GK5: variants seen among roughly 807,000 people sequenced by gnomAD.
GK5 encodes glycerol kinase 5, also known as ATP:glycerol 3-phosphotransferase 5.
A neutral mutation model predicts 77.3 loss-of-function variants in GK5; 39 were observed. The ratio of observed to expected loss-of-function variants is 0.50; its 90% confidence interval spans 0.39 to 0.66. The LOEUF is 0.66. GK5 is among the 30% of genes least tolerant of loss of function. The probability of loss-of-function intolerance (pLI) is 0.00; values close to 1 mark genes in which losing one functional copy is unlikely to be tolerated. For synonymous variants in GK5, 211 were observed against 208.0 expected (o/e 1.01, Z -0.13); for missense variants, 487 against 633.8 (o/e 0.77, Z 2.49).
chr3:142,209,372 A>T (rs745755446), intron 3 of GK5, among the ~76,000 whole-genome samples: 2 of 152,228 alleles, frequency 1.3e-5, no homozygotes, highest in Admixed American at 6.5e-5. Flanking sequence ...GTGGCTGAAA[A>T]GCAGTGAGGG....
At chr3:142,216,176 T>C (rs1348420941) in intron 1 of GK5, among the ~76,000 whole-genome samples, 2 of 152,078 alleles carry the variant, frequency 1.3e-5, no homozygotes, top group South Asian at 2.1e-4. Flanking sequence ...TCAGGTACCA[T>C]GGAACTGGTG....
intron 5 of GK5, among the ~76,000 whole-genome samples, chr3:142,193,840 A>C (rs2063890456): frequency 6.6e-6 from 1 of 152,102 alleles, no homozygotes; most frequent in Non-Finnish European, 1.5e-5. Context: ...TCCCCAGTTC[A>C]AGTGATTCTC....
chr3:142,218,718 A>G (rs907467248), intron 1 of GK5, among the ~76,000 whole-genome samples: 1 of 152,154 alleles, frequency 6.6e-6, no homozygotes, highest in Non-Finnish European at 1.5e-5. Flanking sequence ...CCAAAAGTAT[A>G]ATTCATATAA....
chr3:142,215,551 CAA>C (rs61501618), intron 2 of GK5, 46 bp downstream of exon 2: 3 of 868,982 alleles, frequency 3.5e-6, no homozygotes, highest in South Asian at 1.9e-5. Flanking sequence ...AAAACTATTA[CAA>C]AAAAAAAACC....
chr3:142,212,038 C>G lies in GK5; in HGVS notation c.317+1488G>C, dbSNP rs78506411. Reference sequence around the variant, plus strand: ...CAGTATTGGTAAATTCAAATTTCTTCTTCCTGCCCAATACTGAATTAGAAG... The same window carrying G: ...CAGTATTGGTAAATTCAAATTTCTTGTTCCTGCCCAATACTGAATTAGAAG... On this transcript the variant is annotated intron_variant, in intron 3 of 15. Coordinates refer to ENST00000392993, the MANE Select transcript of GK5 (RefSeq NM_001039547.3). Among the ~76,000 whole-genome samples, 3 of 152,318 alleles carry G rather than the reference C, an allele frequency of 2.0e-5. No homozygotes were observed. In the East Asian group the frequency reaches 5.8e-4, roughly 29 times the overall value.
At chr3:142,216,963 C>T (rs1346537433) in intron 1 of GK5, among the ~76,000 whole-genome samples, 1 of 152,100 alleles carries the variant, frequency 6.6e-6, no homozygotes. Flanking sequence ...AAAAGAAAAA[C>T]AACAAAAATC....
At chr3:142,201,959 G>C (rs2064031744) in intron 4 of GK5, among the ~76,000 whole-genome samples, 1 of 152,128 alleles carries the variant, frequency 6.6e-6, no homozygotes, top group Non-Finnish European at 1.5e-5. Flanking sequence ...TTTAAGTAGG[G>C]TGGCAGGGAA....
intron 4 of GK5, among the ~76,000 whole-genome samples, chr3:142,201,528 A>G (rs972711296): frequency 1.8e-4 from 27 of 152,208 alleles, no homozygotes; most frequent in African/African-American, 5.5e-4. Flanking sequence ...ATAGTTACAG[A>G]AGAACAACAC....
rs140693011 is a variant in GK5, at chr3:142,176,337, A to C, written c.1143+1145T>G. Among the ~76,000 whole-genome samples, 974 of 152,294 alleles carry C rather than the reference A, an allele frequency of 6.4e-3. 9 individuals are homozygous for C. Among genetic ancestry groups the C allele is most frequent in the African/African-American group, 0.022 (906 of 41,568 alleles). ...TAACTAATTGCCTGAATATGAGATA[A>C]GCAAGAAGAAAGAGAAAGTTGTATT... On this transcript the variant is annotated intron_variant, in intron 12 of 15. Transcript: ENST00000392993.
chr3:142,168,320 A>G (rs1560208242), intron 15 of GK5, among the ~76,000 whole-genome samples: 3 of 152,242 alleles, frequency 2.0e-5, no homozygotes, highest in Admixed American at 6.5e-5. Context: ...GAGTTGGAAT[A>G]TGAAGGAGTT....
intron 1 of GK5, among the ~76,000 whole-genome samples, chr3:142,224,269 G>T (rs1388030260): frequency 6.6e-6 from 1 of 152,034 alleles, no homozygotes; most frequent in Non-Finnish European, 1.5e-5. Context: ...ATTTAGCCAG[G>T]CATGGTGGCC....
rs928071536 is a variant in GK5, at chr3:142,159,264, T to C, written c.*6358A>G. On this transcript the variant is annotated 3_prime_UTR_variant, in exon 16 of 16. Transcript: ENST00000392993. ...AGAAACTGGATCACTCATACATTCC[T>C]GGTGGGAATGTAAGATGGTATAGCC... The C allele has an allele frequency of 2.6e-5, 4 of 152,190 alleles. No individual in the cohort carries two copies. Among genetic ancestry groups the C allele is most frequent in the Non-Finnish European group, 5.9e-5 (4 of 68,032 alleles). 9.4% of individuals were successfully genotyped at this position (152,190 alleles called of 1,614,324 possible). A position where few individuals can be genotyped will look rare whatever the true frequency, so the allele number is the denominator to read the frequency against.
chr3:142,174,479 G>A (rs2063581685), intron 12 of GK5, among the ~76,000 whole-genome samples: 1 of 152,054 alleles, frequency 6.6e-6, no homozygotes, highest in Non-Finnish European at 1.5e-5. Flanking sequence ...TTTTTTTCCT[G>A]CATAAATATG....
rs982020195 is a variant in GK5, at chr3:142,164,778, A to G, written c.*844T>C. The G allele has an allele frequency of 6.6e-6, 1 of 152,234 alleles. No homozygotes were observed. Among genetic ancestry groups the G allele is most frequent in the Non-Finnish European group, 1.5e-5 (1 of 68,044 alleles). The allele number at this position is 152,234 out of a possible 1,614,324, so 9.4% of individuals were successfully genotyped here. A position where few individuals can be genotyped will look rare whatever the true frequency, so the allele number is the denominator to read the frequency against. On this transcript the variant is annotated 3_prime_UTR_variant, in exon 16 of 16. Transcript: ENST00000392993. ...ACAAAAGACATTTATACAAGCATCT[A>G]AATAACAAAGAAAGATAAAGAACAA...
Position 142,164,383 on chromosome 3 carries a change from G to A in GK5, c.*1239C>T, listed in dbSNP as rs975163998. On this transcript the variant is annotated 3_prime_UTR_variant, in exon 16 of 16. Transcript: ENST00000392993. ...TGGAACCTAACCCAAATGTAGGGAG[G>A]GGCAAATAAAGTGAAAACATGTTGG... 6.6e-6 allele frequency: 1 copy of A among 152,124 alleles called. No individual in the cohort carries two copies. The highest frequency in any genetic ancestry group is 2.4e-5 in the African/African-American group (1 of 41,430). The allele number at this position is 152,124 out of a possible 1,614,324, so 9.4% of individuals were successfully genotyped here. A position where few individuals can be genotyped will look rare whatever the true frequency, so the allele number is the denominator to read the frequency against.
intron 10 of GK5, 119 bp downstream of exon 10, chr3:142,182,804 G>T (rs568394383): frequency 1.2e-5 from 8 of 646,932 alleles, no homozygotes; most frequent in Admixed American, 5.6e-5. Flanking sequence ...CTGTCTTTAA[G>T]AATAATAAAA....
At chr3:142,185,346 G>A (rs1290976515) in intron 9 of GK5, 12 of 395,150 alleles carry the variant, frequency 3.0e-5, no homozygotes, top group Non-Finnish European at 3.8e-5. Context: ...CCAGGAAGCC[G>A]AGGCTGCAGT....
rs1487741136 is a variant in GK5 at position 142,172,547 on chromosome 3, G to A, written c.1144-91C>T. ...TACTATACAACAACAACATAGCCAC[G>A]TTAGAAGAAAATAATGCTATGGTTA... On this transcript the variant is annotated intron_variant, in intron 12 of 15. Coordinates refer to ENST00000392993, the MANE Select transcript of GK5 (RefSeq NM_001039547.3). 11 of 554,678 alleles carry A rather than the reference G, an allele frequency of 2.0e-5. No homozygotes were observed. In the Admixed American group the frequency reaches 3.4e-4, roughly 17 times the overall value. 34.4% of individuals were successfully genotyped at this position (554,678 alleles called of 1,614,324 possible).
chr3:142,189,250 AAAAAG>A (rs2063816242), intron 5 of GK5, among the ~76,000 whole-genome samples: 1 of 152,248 alleles, frequency 6.6e-6, no homozygotes, highest in Non-Finnish European at 1.5e-5. Flanking sequence ...TAACTGAAAT[AAAAAG>A]AAAAGCAAAT....
Sources: allele counts gnomAD v4.1 joint callset (sites outside exome capture counted in the v4.1 genomes callset), GRCh38; gene constraint gnomAD v4.1.1; transcripts MANE v1.5; gene names NCBI Gene and HGNC (gene_info 2026-07-23, HGNC 2026-07-21).